Variants in RBFOX1 observed in about 807,000 individuals in gnomAD.
RBFOX1 encodes RNA binding protein fox-1 homolog 1.
A neutral mutation model predicts 57.7 loss-of-function variants in RBFOX1; 8 were observed. The observed-to-expected ratio is 0.14, with a 90% CI of 0.08 to 0.25. The LOEUF (loss-of-function observed/expected upper bound fraction) is 0.25. RBFOX1 is among the 10% of genes least tolerant of loss of function. The probability of loss-of-function intolerance (pLI) is 1.00; values close to 1 mark genes in which losing one functional copy is unlikely to be tolerated. For synonymous variants in RBFOX1, 326 were observed against 222.4 expected (o/e 1.47, Z -4.15); for missense variants, 611 against 548.5 (o/e 1.11, Z -1.14).
intron 3 of RBFOX1, among the ~76,000 whole-genome samples, chr16:5,659,421 G>A (rs958539116): frequency 2.7e-5 from 4 of 150,462 alleles, no homozygotes; most frequent in East Asian, 2.0e-4. Context: ...CTCCTGCCTC[G>A]GCCTCCTGAG....
At chr16:6,368,382 C>G (rs894580029) in intron 2 of RBFOX1, among the ~76,000 whole-genome samples, 7 of 152,216 alleles carry the variant, frequency 4.6e-5, no homozygotes, top group African/African-American at 1.7e-4. Flanking sequence ...TAGTAGTTCT[C>G]TGATCTAACC....
chr16:6,414,630 C>T (rs1418059409), intron 2 of RBFOX1, among the ~76,000 whole-genome samples: 2 of 152,186 alleles, frequency 1.3e-5, no homozygotes, highest in South Asian at 2.1e-4. Context: ...AAATATCTAG[C>T]ACCATGTCTG....
chr16:6,412,825 C>T (rs1244519482), intron 2 of RBFOX1, among the ~76,000 whole-genome samples: 1 of 152,220 alleles, frequency 6.6e-6, no homozygotes, highest in African/African-American at 2.4e-5. Flanking sequence ...GCTTACACAT[C>T]AGTCTTTCTG....
At chr16:7,009,729 T>C (rs1568354178) in intron 3 of RBFOX1, among the ~76,000 whole-genome samples, 1 of 152,226 alleles carries the variant, frequency 6.6e-6, no homozygotes, top group Non-Finnish European at 1.5e-5. Context: ...ATCAGCCTGA[T>C]ACCACAGTAG....
intron 4 of RBFOX1, among the ~76,000 whole-genome samples, chr16:7,054,019 C>T (rs1366206078): frequency 3.3e-5 from 5 of 151,880 alleles, no homozygotes; most frequent in South Asian, 4.2e-4. Context: ...TCTGGGAGAC[C>T]CCTAGTGTGA....
intron 3 of RBFOX1, among the ~76,000 whole-genome samples, chr16:5,759,276 C>T (rs910104388): frequency 3.9e-5 from 6 of 152,218 alleles, no homozygotes; most frequent in African/African-American, 1.4e-4. Flanking sequence ...AACAGGAAGC[C>T]ATCTCTGGGT....
intron 5 of RBFOX1, among the ~76,000 whole-genome samples, chr16:7,543,115 G>C (rs1169620133): frequency 1.3e-5 from 2 of 152,156 alleles, no homozygotes; most frequent in Non-Finnish European, 2.9e-5. Context: ...TTCTCCTACT[G>C]TTTCTGCACC....
At chr16:5,517,723 G>A (rs1466361087) in intron 2 of RBFOX1, among the ~76,000 whole-genome samples, 1 of 152,168 alleles carries the variant, frequency 6.6e-6, no homozygotes, top group Non-Finnish European at 1.5e-5. Context: ...AGAAGGACTT[G>A]TTTTTCTTTC....
intron 3 of RBFOX1, among the ~76,000 whole-genome samples, chr16:5,800,001 G>T (rs1481290919): frequency 6.6e-6 from 1 of 151,968 alleles, no homozygotes; most frequent in Admixed American, 6.6e-5. Flanking sequence ...AGATATATTT[G>T]CATGTTCCAT....
At chr16:6,856,038 C>T (rs540107035) in intron 3 of RBFOX1, among the ~76,000 whole-genome samples, 1 of 152,122 alleles carries the variant, frequency 6.6e-6, no homozygotes, top group Non-Finnish European at 1.5e-5. Flanking sequence ...GAATGGTGCT[C>T]ATGGTATATG....
chr16:6,627,768 G>A (rs1044094265), intron 2 of RBFOX1, among the ~76,000 whole-genome samples: 4 of 152,138 alleles, frequency 2.6e-5, no homozygotes, highest in African/African-American at 4.8e-5. Context: ...GGTGCAGGTC[G>A]AAACTGAAGC....
intron 1 of RBFOX1, among the ~76,000 whole-genome samples, chr16:6,094,225 C>T (rs1425701302): frequency 1.3e-5 from 2 of 152,160 alleles, no homozygotes; most frequent in Admixed American, 1.3e-4. Context: ...GAAGACCAGC[C>T]ATTTCCCTTT....
At chr16:7,393,501 C>A (rs946849677) in intron 4 of RBFOX1, among the ~76,000 whole-genome samples, 1 of 152,042 alleles carries the variant, frequency 6.6e-6, no homozygotes, top group African/African-American at 2.4e-5. Context: ...GGTCAGATTT[C>A]CTAGGGATAA....
intron 2 of RBFOX1, among the ~76,000 whole-genome samples, chr16:6,435,870 A>G (rs145807871): frequency 4.6e-5 from 7 of 152,202 alleles, no homozygotes; most frequent in African/African-American, 1.4e-4. Context: ...TCAAATTCCA[A>G]TGTTCCATAC....
intron 2 of RBFOX1, among the ~76,000 whole-genome samples, chr16:6,337,734 TA>T (rs201098282): frequency 3.3e-5 from 5 of 151,720 alleles, no homozygotes; most frequent in East Asian, 1.9e-4. Flanking sequence ...ACCATCTCTG[TA>T]AAAAAAATAA....
intron 3 of RBFOX1, among the ~76,000 whole-genome samples, chr16:6,687,532 A>G (rs561816482): frequency 2.0e-5 from 3 of 152,330 alleles, no homozygotes; most frequent in African/African-American, 7.2e-5. Flanking sequence ...TCAGTAACAA[A>G]CATGTCCTGA....
At chr16:6,502,965 G>T (rs1268904891) in intron 2 of RBFOX1, among the ~76,000 whole-genome samples, 1 of 152,128 alleles carries the variant, frequency 6.6e-6, no homozygotes, top group Non-Finnish European at 1.5e-5. Context: ...ATTATGGAAA[G>T]AAGATAATAT....
intron 3 of RBFOX1, among the ~76,000 whole-genome samples, chr16:5,708,198 G>C (rs1227572403): frequency 2.0e-5 from 3 of 152,096 alleles, no homozygotes; most frequent in Non-Finnish European, 2.9e-5. Context: ...ACTTGAACTT[G>C]TATGACTTCA....
intron 3 of RBFOX1, among the ~76,000 whole-genome samples, chr16:5,681,536 G>A (rs538308808): frequency 6.6e-6 from 1 of 151,394 alleles, no homozygotes; most frequent in South Asian, 2.1e-4. Context: ...TTACAGGCAC[G>A]TGCAACCATG....
Sources: allele counts gnomAD v4.1 joint callset (sites outside exome capture counted in the v4.1 genomes callset), GRCh38; gene constraint gnomAD v4.1.1; transcripts MANE v1.5; gene names NCBI Gene and HGNC (gene_info 2026-07-23, HGNC 2026-07-21).